The following TLK1 variants were observed in gnomAD, a reference collection of about 807,000 sequenced individuals.
TLK1 encodes tousled like kinase 1, also known as serine/threonine-protein kinase tousled-like 1.
TLK1 carries 24 observed loss-of-function variants against 105.3 expected under a neutral mutation model. The observed-to-expected ratio is 0.23, with a 90% CI of 0.17 to 0.32. The LOEUF (loss-of-function observed/expected upper bound fraction) is 0.32, where lower values mean the gene tolerates loss of function less well. TLK1 is among the 10% of genes least tolerant of loss of function. TLK1 has a pLI of 1.00. For missense variants in TLK1, 558 were observed against 910.5 expected (o/e 0.61, Z 4.98); for synonymous variants, 321 against 310.4 (o/e 1.03, Z -0.36).
At chr2:171,003,688 G>T (rs1684505774) in intron 18 of TLK1, among the ~76,000 whole-genome samples, 1 of 152,220 alleles carries the variant, frequency 6.6e-6, no homozygotes, top group Non-Finnish European at 1.5e-5. Context: ...CCTTACAATA[G>T]CAACAAGGTG....
chr2:171,121,558 A>G (rs1322875228), intron 1 of TLK1, among the ~76,000 whole-genome samples: 1 of 152,192 alleles, frequency 6.6e-6, no homozygotes, highest in African/African-American at 2.4e-5. Context: ...TCTTAATTCA[A>G]TAAATTGGAC....
intron 10 of TLK1, among the ~76,000 whole-genome samples, chr2:171,049,169 TG>T (rs1382875858): frequency 6.6e-6 from 1 of 152,196 alleles, no homozygotes; most frequent in Non-Finnish European, 1.5e-5. Flanking sequence ...GAAAAACTAC[TG>T]GGTACTATGC....
intron 1 of TLK1, among the ~76,000 whole-genome samples, chr2:171,177,495 C>T (rs1210478411): frequency 6.6e-6 from 1 of 151,046 alleles, no homozygotes; most frequent in Non-Finnish European, 1.5e-5. Flanking sequence ...AGACAGAAAG[C>T]CCTTGTGAGA....
At chr2:171,187,997 A>C (rs185859344) in intron 1 of TLK1, among the ~76,000 whole-genome samples, 2 of 152,190 alleles carry the variant, frequency 1.3e-5, no homozygotes, top group Non-Finnish European at 2.9e-5. Flanking sequence ...TGAATTACAA[A>C]GTCATGGGAG....
chr2:171,226,709 A>G lies in TLK1; in HGVS notation c.-6+4436T>C, dbSNP rs1168253792. Among the ~76,000 whole-genome samples, 3 of 152,156 alleles carry G rather than the reference A, an allele frequency of 2.0e-5. No homozygotes were observed. In the East Asian group the frequency reaches 5.8e-4, roughly 29 times the overall value. ...TTTTATAATTCTGGCTGAAGTTGGC[A>G]AGCCACCTCCAGAAATATTTCATAC... is the stretch of plus-strand genomic sequence containing the variant. On this transcript the variant is annotated intron_variant, in intron 1 of 20. Transcript: ENST00000521943.
At chr2:171,067,052 A>G in intron 3 of TLK1, 1 of 1,368,192 alleles carries the variant, frequency 7.3e-7, no homozygotes, top group South Asian at 1.6e-5. Context: ...CCTGTATCAT[A>G]CCCCTACAAA....
intron 1 of TLK1, among the ~76,000 whole-genome samples, chr2:171,139,581 G>A (rs1185140696): frequency 1.3e-5 from 2 of 152,034 alleles, no homozygotes; most frequent in African/African-American, 4.8e-5. Flanking sequence ...GCAACAGAGT[G>A]AGACTCTGTC....
At chr2:171,200,698 G>A (rs1693382040) in intron 1 of TLK1, among the ~76,000 whole-genome samples, 1 of 152,140 alleles carries the variant, frequency 6.6e-6, no homozygotes, top group Non-Finnish European at 1.5e-5. Context: ...GGGCAATATA[G>A]TGAGACCCCA....
chr2:171,209,089 G>A (rs1169661786), intron 1 of TLK1, among the ~76,000 whole-genome samples: 1 of 152,192 alleles, frequency 6.6e-6, no homozygotes, highest in Non-Finnish European at 1.5e-5. Context: ...TAATGGAGAA[G>A]CTTCAGAAAT....
chr2:171,085,953 T>C (rs1688954062), intron 2 of TLK1, among the ~76,000 whole-genome samples: 1 of 152,238 alleles, frequency 6.6e-6, no homozygotes, highest in South Asian at 2.1e-4. Context: ...CTTTGTTCAC[T>C]GTGCTAATGT....
chr2:171,106,717 C>T (rs549972787), intron 2 of TLK1, among the ~76,000 whole-genome samples: 4 of 152,106 alleles, frequency 2.6e-5, no homozygotes, highest in Non-Finnish European at 5.9e-5. Flanking sequence ...ATGCTACTAT[C>T]ATTAAAATTT....
intron 1 of TLK1, among the ~76,000 whole-genome samples, chr2:171,167,206 A>G (rs1393777608): frequency 6.6e-6 from 1 of 152,204 alleles, no homozygotes; most frequent in Non-Finnish European, 1.5e-5. Context: ...AACTACATGT[A>G]TATATTAGAT....
chr2:171,063,105 G>A (rs375549067), intron 3 of TLK1, among the ~76,000 whole-genome samples: 5 of 152,086 alleles, frequency 3.3e-5, no homozygotes, highest in Admixed American at 6.5e-5. Flanking sequence ...CAGCACTTTC[G>A]GAGGCCGAGG....
intron 1 of TLK1, among the ~76,000 whole-genome samples, chr2:171,182,458 G>A (rs183398709): frequency 6.6e-5 from 10 of 152,202 alleles, no homozygotes; most frequent in African/African-American, 2.2e-4. Flanking sequence ...GTTCCAGCAG[G>A]ATCTAAGTCA....
At chr2:171,223,276 G>A (rs1693840646) in intron 1 of TLK1, among the ~76,000 whole-genome samples, 1 of 152,110 alleles carries the variant, frequency 6.6e-6, no homozygotes. Context: ...CAGTGTACAA[G>A]GATTCCTCTT....
At chr2:170,994,764 T>C (rs1019628045) in intron 20 of TLK1, 3 of 497,820 alleles carry the variant, frequency 6.0e-6, no homozygotes, top group African/African-American at 3.9e-5. Context: ...TTTTGATTGT[T>C]TGAATTTTAT....
At chr2:171,129,951 C>T (rs1043648898) in intron 1 of TLK1, among the ~76,000 whole-genome samples, 1 of 152,108 alleles carries the variant, frequency 6.6e-6, no homozygotes, top group Non-Finnish European at 1.5e-5. Context: ...TCATCAACAT[C>T]ATCTTTACCA....
chr2:171,201,164 G>A (rs1018078706), intron 1 of TLK1, among the ~76,000 whole-genome samples: 4 of 152,124 alleles, frequency 2.6e-5, no homozygotes, highest in South Asian at 2.1e-4. Flanking sequence ...GATTACAGAT[G>A]TGAGCCACCG....
chr2:171,026,871 T>A (rs1685799115), intron 12 of TLK1, among the ~76,000 whole-genome samples: 1 of 152,108 alleles, frequency 6.6e-6, no homozygotes, highest in Non-Finnish European at 1.5e-5. Context: ...GAGAATAGAC[T>A]TAAGTTGTCA....
Sources: allele counts gnomAD v4.1 joint callset (sites outside exome capture counted in the v4.1 genomes callset), GRCh38; gene constraint gnomAD v4.1.1; transcripts MANE v1.5; gene names NCBI Gene and HGNC (gene_info 2026-07-23, HGNC 2026-07-21).